Variants in NUDCD3 observed in about 807,000 individuals in gnomAD.
The protein encoded by NUDCD3 is NudC domain containing 3, also known as nudC domain-containing protein 3.
In NUDCD3, 13 loss-of-function variants were observed where a neutral mutation model predicts 39.7. The observed-to-expected ratio is 0.33, with a 90% confidence interval of 0.21 to 0.52. The LOEUF (loss-of-function observed/expected upper bound fraction) is 0.52. Among genes scored for constraint, NUDCD3 ranks in the 20% least tolerant of loss-of-function variants. NUDCD3 has a pLI of 0.96. For synonymous variants in NUDCD3, 175 were observed against 172.4 expected, an observed-to-expected ratio of 1.02 and a Z score of -0.12; for missense variants, 453 against 458.1, an observed-to-expected ratio of 0.99 and a Z score of 0.10.
chr7:44,450,549 T>G (rs1183833543), intron 2 of NUDCD3, among the ~76,000 whole-genome samples: 2 of 151,886 alleles, frequency 1.3e-5, no homozygotes, highest in African/African-American at 4.8e-5. Flanking sequence ...CCTAGCACTC[T>G]GGGAGGCTGA....
intron 4 of NUDCD3, among the ~76,000 whole-genome samples, chr7:44,400,893 G>C (rs1488899607): frequency 6.6e-6 from 1 of 152,166 alleles, no homozygotes; most frequent in African/African-American, 2.4e-5. Context: ...TATCTACAAA[G>C]ACCCTTTTCC....
intron 2 of NUDCD3, among the ~76,000 whole-genome samples, chr7:44,465,666 A>G (rs1800104607): frequency 6.6e-6 from 1 of 152,226 alleles, no homozygotes; most frequent in Non-Finnish European, 1.5e-5. Flanking sequence ...GGTACACCAG[A>G]CACTGGTAAC....
At chr7:44,407,826 A>G (rs1194171893) in intron 3 of NUDCD3, among the ~76,000 whole-genome samples, 1 of 152,182 alleles carries the variant, frequency 6.6e-6, no homozygotes, top group East Asian at 1.9e-4. Context: ...AACTTCAATA[A>G]AGAGGCTGGA....
At chr7:44,386,175 C>T (rs1246170425) in intron 5 of NUDCD3, 54 bp from the exon 6 acceptor site, 6 of 1,587,934 alleles carry the variant, frequency 3.8e-6, no homozygotes, top group South Asian at 1.1e-5. Context: ...TGTGTACTTT[C>T]TCCCAGAGCA....
At chr7:44,386,985 G>A (rs1028527583) in intron 5 of NUDCD3, among the ~76,000 whole-genome samples, 2 of 151,950 alleles carry the variant, frequency 1.3e-5, no homozygotes, top group Admixed American at 6.6e-5. Context: ...CTAACCTTCT[G>A]ACCACAAGAG....
intron 2 of NUDCD3, among the ~76,000 whole-genome samples, chr7:44,454,092 A>C (rs561198662): frequency 9.9e-5 from 15 of 152,152 alleles, no homozygotes; most frequent in Non-Finnish European, 1.9e-4. Flanking sequence ...GTAATCCCAG[A>C]ACTTTGGGAG....
chr7:44,404,610 C>T (rs1585056990), intron 3 of NUDCD3, 27 bp from the exon 4 acceptor site: 2 of 1,610,576 alleles, frequency 1.2e-6, no homozygotes, highest in East Asian at 4.5e-5. Flanking sequence ...AGAAAATCAT[C>T]TCTCCTATCA....
chr7:44,472,784 AG>A (rs1168669091), intron 2 of NUDCD3, among the ~76,000 whole-genome samples: 2 of 152,210 alleles, frequency 1.3e-5, no homozygotes, highest in South Asian at 2.1e-4. Context: ...AAAGAAGAAA[AG>A]GTAACAGTAG....
chr7:44,432,399 G>A (rs578218675), intron 2 of NUDCD3, among the ~76,000 whole-genome samples: 1 of 152,308 alleles, frequency 6.6e-6, no homozygotes, highest in East Asian at 1.9e-4. Context: ...GGAAGCTAGA[G>A]CCCCAAACCT....
intron 5 of NUDCD3, among the ~76,000 whole-genome samples, chr7:44,391,816 A>G (rs886750787): frequency 1.3e-5 from 2 of 152,156 alleles, no homozygotes; most frequent in African/African-American, 4.8e-5. Context: ...TCAGACAGGA[A>G]CCTTTCTCTT....
intron 2 of NUDCD3, among the ~76,000 whole-genome samples, chr7:44,449,812 G>A (rs937154678): frequency 2.0e-5 from 3 of 149,966 alleles, no homozygotes; most frequent in African/African-American, 4.9e-5. Flanking sequence ...CTTTGAGTTA[G>A]GCCAAGATTT....
At chr7:44,428,123 TAAAAA>T (rs55642004) in intron 2 of NUDCD3, among the ~76,000 whole-genome samples, 9 of 76,102 alleles carry the variant, frequency 1.2e-4, no homozygotes, top group Admixed American at 1.1e-3. Flanking sequence ...GGTCAATCTT[TAAAAA>T]AAAAAAAAAA....
intron 2 of NUDCD3, chr7:44,467,825 A>AAAAAAAAGAAAAGAAAAGGCTCTCT: frequency 2.6e-6 from 3 of 1,144,620 alleles, no homozygotes; most frequent in Admixed American, 2.2e-5. Flanking sequence ...AGTAAAAAAA[A>AAAAAAAAGAAAAGAAAAGGCTCTCT]AAAAAAGAAA....
At chr7:44,398,298 C>T (rs1309211500) in intron 4 of NUDCD3, among the ~76,000 whole-genome samples, 1 of 152,154 alleles carries the variant, frequency 6.6e-6, no homozygotes, top group Non-Finnish European at 1.5e-5. Flanking sequence ...TCAGTACTGA[C>T]CCCTGGATTC....
intron 3 of NUDCD3, among the ~76,000 whole-genome samples, chr7:44,415,134 A>C (rs1428646869): frequency 1.3e-5 from 2 of 152,238 alleles, no homozygotes; most frequent in African/African-American, 4.8e-5. Flanking sequence ...ATGATCTACC[A>C]TCAACCCACC....
chr7:44,386,256 GC>G, intron 5 of NUDCD3, 135 bp from the exon 6 acceptor site: 2 of 928,792 alleles, frequency 2.2e-6, no homozygotes, highest in Non-Finnish European at 3.3e-6. Context: ...AGACCGGCTG[GC>G]CAGAGAACTG....
At chr7:44,479,273 T>C (rs1439565786) in intron 2 of NUDCD3, among the ~76,000 whole-genome samples, 1 of 152,196 alleles carries the variant, frequency 6.6e-6, no homozygotes, top group Non-Finnish European at 1.5e-5. Flanking sequence ...CAAGACTACA[T>C]TTGTCCAAAG....
chr7:44,472,932 C>T (rs963527997), intron 2 of NUDCD3, among the ~76,000 whole-genome samples: 3 of 152,190 alleles, frequency 2.0e-5, no homozygotes, highest in East Asian at 1.9e-4. Flanking sequence ...AAATTACAAA[C>T]GCCATACCCT....
chr7:44,481,564 CA>C (rs1284922178), intron 2 of NUDCD3: 3 of 152,202 alleles, frequency 2.0e-5, no homozygotes, highest in Non-Finnish European at 4.4e-5. Flanking sequence ...ACTGAATAAC[CA>C]GGACTGTAAC....
Sources: allele counts gnomAD v4.1 joint callset (sites outside exome capture counted in the v4.1 genomes callset), GRCh38; gene constraint gnomAD v4.1.1; transcripts MANE v1.5; gene names NCBI Gene and HGNC (gene_info 2026-07-23, HGNC 2026-07-21).